PITPNM3: variants seen among roughly 807,000 people sequenced by gnomAD.
The protein encoded by PITPNM3 is PITPNM family member 3, also known as membrane-associated phosphatidylinositol transfer protein 3.
A neutral mutation model predicts 102.0 loss-of-function variants in PITPNM3; 26 were observed. The ratio of observed to expected loss-of-function variants is 0.25; its 90% confidence interval spans 0.19 to 0.35. The LOEUF (loss-of-function observed/expected upper bound fraction) is 0.35, where lower values mean the gene tolerates loss of function less well. PITPNM3 is among the 10% of genes least tolerant of loss of function. The probability of loss-of-function intolerance (pLI) is 1.00; values close to 1 mark genes in which losing one functional copy is unlikely to be tolerated. For synonymous variants in PITPNM3, 578 were observed against 558.6 expected (o/e 1.03, Z -0.49); for missense variants, 1,083 against 1,346.1 (o/e 0.80, Z 3.06).
intron 9 of PITPNM3, among the ~76,000 whole-genome samples, chr17:6,475,129 G>T (rs950087857): frequency 6.6e-6 from 1 of 152,196 alleles, no homozygotes; most frequent in East Asian, 1.9e-4. Context: ...GTTCTGTTCT[G>T]CTGGGATCAG....
In PITPNM3 at chr17:6,517,199, A is replaced by G. The variant is rs1181005459; in HGVS notation, c.226+8157T>C. 6.6e-6 allele frequency among the ~76,000 whole-genome samples: 1 copy of G among 152,272 alleles called. No homozygotes were observed. Among genetic ancestry groups the G allele is most frequent in the Non-Finnish European group, 1.5e-5 (1 of 68,054 alleles). ...AGTAAATCCAAGAAGAAGTCAGGAA[A>G]TTGAGGAAGTAGCAGTGAGACCTAT... On this transcript the variant is annotated intron_variant, in intron 3 of 19. Transcript: ENST00000262483. This position sits in a 1 kb window ranked among gnomAD's most constrained non-coding sequence, Gnocchi z 4.1.
In PITPNM3 at chr17:6,525,363, C is replaced by G. The variant is rs1002634040; in HGVS notation, c.219G>C (p.Glu73Asp). 3.7e-6 allele frequency: 6 copies of G among 1,613,962 alleles called. No homozygotes were observed. Among genetic ancestry groups the G allele is most frequent in the African/African-American group, 1.3e-5 (1 of 74,934 alleles). The change falls in exon 3 of 20, where the codon GAG (glutamate) becomes GAC (aspartate). Residue 73 changes from glutamate to aspartate, a missense_variant. Glu to Asp is a conservative substitution (Grantham distance 45). This residue lies in a region of PITPNM3 where 290 missense variants were observed against 337.8 expected (regional missense o/e 0.86). Transcript: ENST00000262483. ...EQIETMGKLDEHQGEGTAPCT... is the reference protein window; with the variant it reads ...EQIETMGKLDDHQGEGTAPCT... ...AGAGAAGCAGAGTCTCACCTTGATGCTCGTCCAGTTTCCCCATGGTCTCGA... is the reference window on the plus strand; with the variant it reads ...AGAGAAGCAGAGTCTCACCTTGATGGTCGTCCAGTTTCCCCATGGTCTCGA...
chr17:6,532,867 C>T (rs1909214693), intron 2 of PITPNM3, among the ~76,000 whole-genome samples: 2 of 152,098 alleles, frequency 1.3e-5, no homozygotes, highest in Non-Finnish European at 1.5e-5. Flanking sequence ...TGATTTGCTT[C>T]TTAAGCAGCT....
chr17:6,477,139 G>A lies in PITPNM3; in HGVS notation c.975C>T (p.Ile325=). Residue 325 remains isoleucine (I), a synonymous_variant, in exon 9 of 20, where the codon ATC becomes ATT. Transcript: ENST00000262483. ...SKRLSKSNID[I]SSGLEDEEPK... is the part of the protein sequence containing the mutation. ...GCTCCTCATCCTCCAACCCACTGGA[G>A]ATGTCAATGTTGCTTTTGCTGAGAC... The A allele has an allele frequency of 6.2e-7, 1 of 1,614,212 alleles. No homozygotes were observed. Among genetic ancestry groups the A allele is most frequent in the South Asian group, 1.1e-5 (1 of 91,078 alleles).
At chr17:6,548,505 G>A (rs189708909) in intron 1 of PITPNM3, among the ~76,000 whole-genome samples, 1 of 152,226 alleles carries the variant, frequency 6.6e-6, no homozygotes, top group East Asian at 1.9e-4. Context: ...TAGGAGCAAG[G>A]GGAAGAGAAG....
chr17:6,455,669 G>GGGC (rs1555550335), intron 19 of PITPNM3, 26 bp from the exon 20 acceptor site: 44,384 of 1,387,092 alleles, frequency 0.032, 2,667 homozygotes, highest in African/African-American at 0.22. Flanking sequence ...GAGGGCAGGG[G>GGGC]AGGGCAGGGC....
intron 1 of PITPNM3, among the ~76,000 whole-genome samples, chr17:6,548,464 G>A (rs933474954): frequency 6.6e-6 from 1 of 152,106 alleles, no homozygotes; most frequent in African/African-American, 2.4e-5. Context: ...AGAGTTGCTC[G>A]GCTGGGACTA....
chr17:6,497,304 G>C (rs1906889512), intron 4 of PITPNM3, among the ~76,000 whole-genome samples: 1 of 152,202 alleles, frequency 6.6e-6, no homozygotes, highest in African/African-American at 2.4e-5. Context: ...ATTCAGAGCT[G>C]TTCCTCTGGT....
At chr17:6,465,113 C>T (rs925330697) in intron 14 of PITPNM3, among the ~76,000 whole-genome samples, 19 of 152,174 alleles carry the variant, frequency 1.2e-4, no homozygotes, top group Non-Finnish European at 8.8e-5. Flanking sequence ...AGTGCAATGG[C>T]GCAATCTCGG....
In PITPNM3 at chr17:6,457,569, CG is replaced by C; in HGVS notation, c.2619+24del. On this transcript the variant is annotated intron_variant, in intron 19 of 19. Transcript: ENST00000262483. This position sits in a 1 kb window ranked among gnomAD's most constrained non-coding sequence, Gnocchi z 4.7. ...TTCCCTGACCTCCCTCACAACTCCC[CG>C]CCTCCAGCCCCGCCTCCACCCACCT... 6.2e-7 allele frequency: 1 copy of C among 1,611,896 alleles called. No individual in the cohort carries two copies. The highest frequency in any genetic ancestry group is 1.1e-5 in the South Asian group (1 of 90,852).
Position 6,463,897 on chromosome 17 carries a change from C to A in PITPNM3, c.2157-16G>T. On this transcript the variant is annotated splice_polypyrimidine_tract_variant and intron_variant, in intron 16 of 19. Coordinates refer to ENST00000262483, the MANE Select transcript of PITPNM3 (RefSeq NM_031220.4). ...CTGGTCGCCCCTGAAAGAAACCTGC[C>A]TGTGGTCAGCCGTGAGGTCAGGGTC... The A allele has an allele frequency of 6.2e-7, 1 of 1,613,664 alleles. No homozygotes were observed.
intron 3 of PITPNM3, among the ~76,000 whole-genome samples, chr17:6,515,059 G>A (rs1365350625): frequency 6.6e-6 from 1 of 152,120 alleles, no homozygotes; most frequent in Non-Finnish European, 1.5e-5. Context: ...AGGGGAATGG[G>A]GAGTGACTGC....
intron 4 of PITPNM3, among the ~76,000 whole-genome samples, chr17:6,497,343 T>A (rs1320817886): frequency 6.6e-6 from 1 of 152,046 alleles, no homozygotes; most frequent in African/African-American, 2.4e-5. Flanking sequence ...GGGTGCGAAG[T>A]CAAACCACAT....
intron 9 of PITPNM3, 137 bp from the exon 10 acceptor site, chr17:6,474,741 AC>A: frequency 2.8e-6 from 3 of 1,058,552 alleles, no homozygotes; most frequent in South Asian, 3.1e-5. Flanking sequence ...CTGAGAGTCC[AC>A]CGGCTGCACA....
intron 1 of PITPNM3, among the ~76,000 whole-genome samples, chr17:6,544,071 C>A (rs1909876148): frequency 6.6e-6 from 1 of 152,238 alleles, no homozygotes; most frequent in Non-Finnish European, 1.5e-5. Context: ...CAGGGAGGAA[C>A]AGGTGCCCCT....
intron 4 of PITPNM3, among the ~76,000 whole-genome samples, chr17:6,496,229 C>T (rs942188254): frequency 1.6e-4 from 24 of 152,116 alleles, no homozygotes; most frequent in African/African-American, 4.8e-4. Context: ...CTGCTAGAAC[C>T]CTGACTGCAT....
At position 6,470,534 on chromosome 17, in the gene PITPNM3, C is replaced by T; in HGVS notation, c.1625-126G>A. 7.7e-7 allele frequency: 1 copy of T among 1,299,168 alleles called. No individual in the cohort carries two copies. Among genetic ancestry groups the T allele is most frequent in the Non-Finnish European group, 1.1e-6 (1 of 912,400 alleles). 80.5% of individuals were successfully genotyped at this position (1,299,168 alleles called of 1,614,324 possible). On this transcript the variant is annotated intron_variant, in intron 12 of 19. Coordinates refer to ENST00000262483, the MANE Select transcript of PITPNM3 (RefSeq NM_031220.4). This position sits in a 1 kb window ranked among gnomAD's most constrained non-coding sequence, Gnocchi z 4.8. ...CGTGGGGCACGGGTTTGGGCGGGAG[C>T]ACCCTGGCCTGGAGGAGGCCTGGGG...
intron 4 of PITPNM3, among the ~76,000 whole-genome samples, chr17:6,487,386 GTTA>G (rs890615415): frequency 2.0e-5 from 3 of 152,138 alleles, no homozygotes; most frequent in Non-Finnish European, 2.9e-5. Flanking sequence ...AGCGGCTATT[GTTA>G]TTATTATCAT....
At position 6,468,715 on chromosome 17, in the gene PITPNM3, A is replaced by T. The variant is rs538475307; in HGVS notation, c.1774-374T>A. On this transcript the variant is annotated intron_variant, in intron 13 of 19. Coordinates refer to ENST00000262483, the MANE Select transcript of PITPNM3 (RefSeq NM_031220.4). This position sits in a 1 kb window ranked among gnomAD's most constrained non-coding sequence, Gnocchi z 5.2. ...GCTTCTTGAGGACGTTGCTCCAGCCATGCTCCCCTCCCAATCCCGCAGAGC... is the reference window on the plus strand; with the variant it reads ...GCTTCTTGAGGACGTTGCTCCAGCCTTGCTCCCCTCCCAATCCCGCAGAGC... 6.6e-6 allele frequency among the ~76,000 whole-genome samples: 1 copy of T among 152,002 alleles called. No homozygotes were observed. Among genetic ancestry groups the T allele is most frequent in the South Asian group, 2.1e-4 (1 of 4,818 alleles).
Sources: gnomAD v4.1 joint callset for allele counts (sites outside exome capture counted in the v4.1 genomes callset) on GRCh38, gnomAD v4.1.1 for gene constraint, gnomAD v4.1.1 regional missense constraint, Gnocchi (gnomAD v3.1) non-coding constraint, MANE v1.5 for transcripts, NCBI Gene and HGNC (gene_info 2026-07-23, HGNC 2026-07-21) for gene names.